Variants in CCDC186 observed in about 807,000 individuals in gnomAD.
The protein encoded by CCDC186 is coiled-coil domain-containing protein 186.
A neutral mutation model predicts 113.7 loss-of-function variants in CCDC186; 49 were observed. The observed-to-expected ratio is 0.43, with a 90% CI of 0.34 to 0.55. The LOEUF (loss-of-function observed/expected upper bound fraction) is 0.55, where lower values mean the gene tolerates loss of function less well. CCDC186 is among the 20% of genes least tolerant of loss of function. The probability of loss-of-function intolerance (pLI) is 0.02; values close to 1 mark genes in which losing one functional copy is unlikely to be tolerated. For synonymous variants in CCDC186, 355 were observed against 345.8 expected (o/e 1.03, Z -0.30); for missense variants, 890 against 1,011.1 (o/e 0.88, Z 1.62).
Position 114,122,182 on chromosome 10 carries a change from C to T in CCDC186, c.*2961G>A, listed in dbSNP as rs1245235449. 2 of 152,166 alleles carry T rather than the reference C, an allele frequency of 1.3e-5. No homozygotes were observed. The highest frequency in any genetic ancestry group is 2.9e-5 in the Non-Finnish European group (2 of 68,034). The allele number at this position is 152,166 out of a possible 1,614,324, so 9.4% of individuals were successfully genotyped here. ...CCTGGTCTGCTCACTAGTATAAATA[C>T]AATACCCTGTATGGTGCCAATACAA... On this transcript the variant is annotated 3_prime_UTR_variant, in exon 16 of 16. Transcript: ENST00000369287.
In CCDC186 at chr10:114,123,091, C is replaced by G. The variant is rs2030781461; in HGVS notation, c.*2052G>C. 6.6e-6 allele frequency: 1 copy of G among 152,440 alleles called. No homozygotes were observed. Among genetic ancestry groups the G allele is most frequent in the Non-Finnish European group, 1.5e-5 (1 of 67,992 alleles). 9.4% of individuals were successfully genotyped at this position (152,440 alleles called of 1,614,324 possible). A position where few individuals can be genotyped will look rare whatever the true frequency, so the allele number is the denominator to read the frequency against. On this transcript the variant is annotated 3_prime_UTR_variant, in exon 16 of 16. Coordinates refer to ENST00000369287, the MANE Select transcript of CCDC186 (RefSeq NM_018017.4). ...AAATCCAAATATTGTAGTTTATGAA[C>G]CTGTATCATAAGAAACTAGAAAAAT...
chr10:114,152,502 G>A (rs951027576), intron 3 of CCDC186, among the ~76,000 whole-genome samples: 7 of 152,126 alleles, frequency 4.6e-5, no homozygotes, highest in Admixed American at 2.6e-4. Context: ...ACTCTGTACT[G>A]TATAGTGAAA....
At chr10:114,145,456 C>T in intron 5 of CCDC186, 93 bp downstream of exon 5, 1 of 1,138,700 alleles carries the variant, frequency 8.8e-7, no homozygotes, top group Non-Finnish European at 1.2e-6. Context: ...GAGTGTTAAC[C>T]ATGTTAAATT....
chr10:114,173,889 GACCTCC>G, intron 1 of CCDC186, 120 bp downstream of exon 1: 1 of 380,712 alleles, frequency 2.6e-6, no homozygotes, highest in Non-Finnish European at 5.3e-6. Context: ...GCTCGACCTC[GACCTCC>G]ACCTCGCACT....
Position 114,162,980 on chromosome 10 carries a change from G to A in CCDC186, c.289C>T (p.Pro97Ser), listed in dbSNP as rs1226695954. ...ATATGTTTAGCAAAATTTCCACTAG[G>A]AAAATTAGCTATTTGTTCAGAATTT... ...SENSEQIANF[P>S]SGNFAKHISK... Residue 97 changes from proline to serine, a missense_variant, in exon 2 of 16, where the codon CCT becomes TCT. Coordinates refer to ENST00000369287, the MANE Select transcript of CCDC186 (RefSeq NM_018017.4). 1 of 1,613,728 alleles carries A rather than the reference G, an allele frequency of 6.2e-7. No homozygotes were observed. Among genetic ancestry groups the A allele is most frequent in the African/African-American group, 1.3e-5 (1 of 74,898 alleles).
chr10:114,136,901 G>T (rs144288291), intron 7 of CCDC186, among the ~76,000 whole-genome samples: 1 of 151,870 alleles, frequency 6.6e-6, no homozygotes, highest in Non-Finnish European at 1.5e-5. Context: ...GGTGGCTCCC[G>T]AAGTCAGGAG....
intron 13 of CCDC186, among the ~76,000 whole-genome samples, chr10:114,128,739 G>T (rs1231037379): frequency 6.6e-6 from 1 of 152,112 alleles, no homozygotes; most frequent in African/African-American, 2.4e-5. Context: ...TTTTCACAAT[G>T]GGTTCAATCA....
chr10:114,128,640 T>C (rs2030988467), intron 13 of CCDC186, among the ~76,000 whole-genome samples: 1 of 152,172 alleles, frequency 6.6e-6, no homozygotes, highest in Non-Finnish European at 1.5e-5. Context: ...CATGAATTTT[T>C]TGCAGGGTAA....
intron 13 of CCDC186, among the ~76,000 whole-genome samples, chr10:114,129,462 T>C (rs1373023635): frequency 6.6e-6 from 1 of 152,126 alleles, no homozygotes; most frequent in Non-Finnish European, 1.5e-5. Context: ...TACAATATAA[T>C]TATATATAAC....
At chr10:114,164,528 C>T (rs2032279015) in intron 1 of CCDC186, among the ~76,000 whole-genome samples, 1 of 151,958 alleles carries the variant, frequency 6.6e-6, no homozygotes, top group South Asian at 2.1e-4. Flanking sequence ...AAAATATTTC[C>T]ACAATCTTGA....
At chr10:114,142,497 T>C (rs1381827026) in intron 6 of CCDC186, among the ~76,000 whole-genome samples, 1 of 152,236 alleles carries the variant, frequency 6.6e-6, no homozygotes, top group Non-Finnish European at 1.5e-5. Flanking sequence ...GGCAAACAAG[T>C]AGATGAGGTA....
chr10:114,159,982 T>C (rs2032123653), intron 2 of CCDC186, among the ~76,000 whole-genome samples: 1 of 151,512 alleles, frequency 6.6e-6, no homozygotes, highest in Non-Finnish European at 1.5e-5. Context: ...AAATAAAGAA[T>C]TTTTGGGCCA....
Position 114,151,207 on chromosome 10 carries a change from A to G in CCDC186, c.773T>C (p.Ile258Thr), listed in dbSNP as rs369242650. The change falls in exon 4 of 16, where the codon ATA becomes ACA. Residue 258 changes from isoleucine to threonine, a missense_variant. Ile to Thr is a moderately conservative substitution (Grantham distance 89). Transcript: ENST00000369287. ...TTTAACTTCTTTATTAAGTTCTTCT[A>G]TTCTTGATTCTAACTGTAAAGAAAA... ...MNTIKQLESR[I>T]EELNKEVKAS... is the part of the protein sequence containing the mutation. 14 of 1,564,726 alleles carry G rather than the reference A, an allele frequency of 8.9e-6. No individual in the cohort carries two copies. The highest frequency in any genetic ancestry group is 1.1e-5 in the Non-Finnish European group (13 of 1,138,226).
rs920999918 is a variant in CCDC186 at position 114,123,267 on chromosome 10, C to A, written c.*1876G>T. The A allele has an allele frequency of 6.6e-6, 1 of 152,372 alleles. No homozygotes were observed. The highest frequency in any genetic ancestry group is 1.5e-5 in the Non-Finnish European group (1 of 67,964). The allele number at this position is 152,372 out of a possible 1,614,324, so 9.4% of individuals were successfully genotyped here. A position where few individuals can be genotyped will look rare whatever the true frequency, so the allele number is the denominator to read the frequency against. On this transcript the variant is annotated 3_prime_UTR_variant, in exon 16 of 16. Transcript: ENST00000369287. The stretch of plus-strand genomic sequence containing the variant: ...AAGAACAAGACACATTATGTTAAGA[C>A]TAATACTTTTTATAACTATTCTAAA...
intron 2 of CCDC186, among the ~76,000 whole-genome samples, chr10:114,160,633 C>T (rs1227018921): frequency 6.6e-6 from 1 of 151,290 alleles, no homozygotes; most frequent in Non-Finnish European, 1.5e-5. Context: ...CATTGTACCT[C>T]TTTAAATATA....
intron 8 of CCDC186, 63 bp from the exon 9 acceptor site, chr10:114,136,040 G>A (rs180797464): frequency 6.5e-7 from 1 of 1,528,106 alleles, no homozygotes; most frequent in African/African-American, 1.4e-5. Context: ...AAGATTTATT[G>A]CCTGTTCCTT....
At chr10:114,168,870 A>G (rs767893436) in intron 1 of CCDC186, among the ~76,000 whole-genome samples, 18 of 152,320 alleles carry the variant, frequency 1.2e-4, no homozygotes, top group Non-Finnish European at 1.9e-4. Flanking sequence ...AAACTCACAG[A>G]TATTCAGTAA....
chr10:114,132,118 T>A lies in CCDC186; in HGVS notation c.1722A>T (p.Leu574=), dbSNP rs1480738409. Residue 574 remains leucine, a synonymous_variant, in exon 11 of 16, where the codon CTA becomes CTT. Transcript: ENST00000369287. ...TCCTACTGCCTTCGATGTCTTTTTG[T>A]AGGTCATTAATCAAAGAATTAAGAC... ...VESLNSLIND[L]QKDIEGSRKR... is the part of the protein sequence containing the mutation. 1 of 1,613,142 alleles carries A rather than the reference T, an allele frequency of 6.2e-7. No homozygotes were observed. Among genetic ancestry groups the A allele is most frequent in the South Asian group, 1.1e-5 (1 of 91,002 alleles).
chr10:114,163,021 G>C lies in CCDC186; in HGVS notation c.248C>G (p.Thr83Arg), dbSNP rs567948747. The C allele has an allele frequency of 5.6e-6, 9 of 1,614,056 alleles. No individual in the cohort carries two copies. In the South Asian group the frequency reaches 6.6e-5, roughly 12 times the overall value. The change falls in exon 2 of 16, where the codon ACA becomes AGA. Residue 83 changes from threonine to arginine, a missense_variant. Physicochemically the swap from Thr to Arg is moderately conservative, Grantham distance 71. Transcript: ENST00000369287. ...HGGGEDSCAK[T>R]DTGSENSEQI... ...TTCAGAATTTTCTGAGCCTGTGTCT[G>C]TTTTGGCACAAGAATCCTCACCTCC...
Sources: allele counts gnomAD v4.1 joint callset (sites outside exome capture counted in the v4.1 genomes callset), GRCh38; gene constraint gnomAD v4.1.1; transcripts MANE v1.5; gene names NCBI Gene and HGNC (gene_info 2026-07-23, HGNC 2026-07-21).